ATP6V1D: variants seen among roughly 807,000 people sequenced by gnomAD.
ATP6V1D encodes V-type proton ATPase subunit D.
A neutral mutation model predicts 39.4 loss-of-function variants in ATP6V1D; 20 were observed. The ratio of observed to expected loss-of-function variants is 0.51; its 90% CI spans 0.36 to 0.74. ATP6V1D has a LOEUF of 0.74. Among genes scored for constraint, ATP6V1D ranks in the 30% least tolerant of loss-of-function variants. ATP6V1D has a pLI of 0.00. For missense variants in ATP6V1D, 228 were observed against 291.6 expected (o/e 0.78, Z 1.59); for synonymous variants, 100 against 100.5 (o/e 0.99, Z 0.03).
At chr14:67,344,491 C>A (rs1465456595) in intron 6 of ATP6V1D, among the ~76,000 whole-genome samples, 2 of 152,018 alleles carry the variant, frequency 1.3e-5, no homozygotes, top group Non-Finnish European at 1.5e-5. Flanking sequence ...TACTAACTGG[C>A]CACATAGGGG....
chr14:67,351,490 G>A (rs1170027533), intron 2 of ATP6V1D, among the ~76,000 whole-genome samples: 1 of 152,126 alleles, frequency 6.6e-6, no homozygotes, highest in African/African-American at 2.4e-5. Context: ...TTGACCAAAG[G>A]AAAAACATTT....
At chr14:67,354,876 C>T (rs190679747) in intron 1 of ATP6V1D, among the ~76,000 whole-genome samples, 5 of 152,278 alleles carry the variant, frequency 3.3e-5, no homozygotes, top group Middle Eastern at 3.4e-3. Context: ...TGCAATGGCG[C>T]GATCTCGGCT....
chr14:67,348,408 T>C (rs1044557467), intron 4 of ATP6V1D, among the ~76,000 whole-genome samples: 47 of 152,136 alleles, frequency 3.1e-4, no homozygotes, highest in African/African-American at 1.1e-3. Context: ...GGTTTCACCA[T>C]GTTGGCCAGG....
At chr14:67,341,433 C>T (rs1196795897) in intron 7 of ATP6V1D, among the ~76,000 whole-genome samples, 55 of 152,096 alleles carry the variant, frequency 3.6e-4, no homozygotes, top group Non-Finnish European at 1.5e-4. Flanking sequence ...AGCGTCTCCG[C>T]CCAGCAGCCA....
intron 4 of ATP6V1D, 28 bp downstream of exon 4, chr14:67,349,009 A>T (rs746220711): frequency 6.2e-7 from 1 of 1,603,282 alleles, no homozygotes; most frequent in Middle Eastern, 1.7e-4. Flanking sequence ...TTTCTCCCCA[A>T]AGGGTTTCTA....
intron 2 of ATP6V1D, 120 bp downstream of exon 2, chr14:67,352,803 T>C (rs1316162664): frequency 3.0e-6 from 2 of 666,186 alleles, no homozygotes; most frequent in Admixed American, 5.3e-5. Context: ...AAACTTATAA[T>C]GGTATTTTTA....
At chr14:67,353,104 C>T (rs998062379) in intron 1 of ATP6V1D, 64 bp from the exon 2 acceptor site, 9 of 1,249,186 alleles carry the variant, frequency 7.2e-6, no homozygotes, top group Middle Eastern at 1.9e-4. Context: ...AAAAAACCCT[C>T]CCCACCAGTG....
In ATP6V1D at chr14:67,338,781, G is replaced by A. The variant is rs779054108; in HGVS notation, c.603-19C>T. On this transcript the variant is annotated intron_variant, in intron 8 of 8. Transcript: ENST00000216442. ...CTTTAACCTGTAAAATACAGGTGGG[G>A]GTGGATTTTTTAAACACTGTTTCAA... 2 of 1,596,462 alleles carry A rather than the reference G, an allele frequency of 1.3e-6. No homozygotes were observed. The highest frequency in any genetic ancestry group is 1.4e-5 in the African/African-American group (1 of 73,960).
chr14:67,341,826 TTTG>T (rs2141093435), intron 7 of ATP6V1D, among the ~76,000 whole-genome samples: 2 of 152,304 alleles, frequency 1.3e-5, no homozygotes, highest in South Asian at 4.1e-4. Flanking sequence ...GACTTTTCAT[TTTG>T]TTCTGTACTA....
rs769330020 is a variant in ATP6V1D, at chr14:67,340,428, A to G, written c.602+12T>C. ...AACAAAAGATGATCAATAACTGCCA[A>G]TTTCAACAAACCTATAGAACTCTTC... On this transcript the variant is annotated intron_variant, in intron 8 of 8. Transcript: ENST00000216442. 4.3e-6 allele frequency: 7 copies of G among 1,611,452 alleles called. No homozygotes were observed. The highest frequency in any genetic ancestry group is 4.5e-5 in the East Asian group (2 of 44,818).
At chr14:67,343,272 C>A in intron 7 of ATP6V1D, 100 bp downstream of exon 7, 4 of 842,256 alleles carry the variant, frequency 4.7e-6, no homozygotes, top group South Asian at 4.1e-5. Context: ...GCATCTTATT[C>A]ATCTTTCAGT....
chr14:67,348,985 AAAATGTCACCTCTTTTCTCCCC>A lies in ATP6V1D; in HGVS notation c.307+30_307+51del, dbSNP rs1189948511. On this transcript the variant is annotated intron_variant, in intron 4 of 8. Coordinates refer to ENST00000216442, the MANE Select transcript of ATP6V1D (RefSeq NM_015994.4). ...CTTGCTGTATAAACAGGTTAATTTTAAAATGTCACCTCTTTTCTCCCCAAAGGGTTTCTAAAAGGTTGAAACG... is the reference window on the plus strand; with the variant it reads ...CTTGCTGTATAAACAGGTTAATTTTAAAAGGGTTTCTAAAAGGTTGAAACG... 7.4e-5 allele frequency: 114 copies of A among 1,550,254 alleles called. 1 individual carries two copies. Among genetic ancestry groups the A allele is most frequent in the Non-Finnish European group, 8.0e-6 (9 of 1,125,510 alleles).
intron 5 of ATP6V1D, among the ~76,000 whole-genome samples, chr14:67,346,370 G>A (rs2085619523): frequency 6.6e-6 from 1 of 152,258 alleles, no homozygotes; most frequent in South Asian, 2.1e-4. Context: ...GGAGTGCAGT[G>A]GTGCGATCTC....
At chr14:67,347,267 A>G (rs2085625196) in intron 5 of ATP6V1D, 142 bp downstream of exon 5, 3 of 665,796 alleles carry the variant, frequency 4.5e-6, no homozygotes, top group Non-Finnish European at 7.7e-6. Context: ...CTGATCAACT[A>G]TTGTCCTGAC....
At chr14:67,343,484 T>A (rs899673648) in intron 6 of ATP6V1D, 46 bp from the exon 7 acceptor site, 1 of 1,327,968 alleles carries the variant, frequency 7.5e-7, no homozygotes, top group Non-Finnish European at 1.1e-6. Context: ...GTCTTCCTAA[T>A]CATTCCCTGA....
chr14:67,354,648 A>G (rs973845631), intron 1 of ATP6V1D, among the ~76,000 whole-genome samples: 1 of 152,236 alleles, frequency 6.6e-6, no homozygotes, highest in Non-Finnish European at 1.5e-5. Flanking sequence ...TGCTGTCTAT[A>G]TAACAGTCTT....
At chr14:67,344,348 A>G (rs2085605521) in intron 6 of ATP6V1D, among the ~76,000 whole-genome samples, 1 of 152,106 alleles carries the variant, frequency 6.6e-6, no homozygotes, top group South Asian at 2.1e-4. Flanking sequence ...CTTTCAATAA[A>G]CCTTTATCAA....
Position 67,357,046 on chromosome 14 carries a change from T to C in ATP6V1D, c.41+2612A>G, listed in dbSNP as rs191692691. On this transcript the variant is annotated intron_variant, in intron 1 of 8. Coordinates refer to ENST00000216442, the MANE Select transcript of ATP6V1D (RefSeq NM_015994.4). ...ATCTTTGTGAAATGGGCAATTTTAA[T>C]TCCTGAAACTCTAAGAGCAGCGTGC... Among the ~76,000 whole-genome samples the C allele has an allele frequency of 1.8e-4, 28 of 152,340 alleles. No individual in the cohort carries two copies. In the East Asian group the frequency reaches 5.0e-3, roughly 27 times the overall value.
At chr14:67,348,964 C>A in intron 4 of ATP6V1D, 73 bp downstream of exon 4, 1 of 1,376,272 alleles carries the variant, frequency 7.3e-7, no homozygotes, top group Non-Finnish European at 1.0e-6. Flanking sequence ...TAAGATCTTG[C>A]TGTATAAACA....
Sources: allele counts gnomAD v4.1 joint callset (sites outside exome capture counted in the v4.1 genomes callset), GRCh38; gene constraint gnomAD v4.1.1; transcripts MANE v1.5; gene names NCBI Gene and HGNC (gene_info 2026-07-23, HGNC 2026-07-21).